Variants in GOLGA1 observed in about 807,000 individuals in gnomAD.
GOLGA1 encodes the protein golgin subfamily A member 1.
In GOLGA1, 63 loss-of-function variants were observed where a neutral mutation model predicts 119.7. The observed-to-expected ratio is 0.53, with a 90% confidence interval of 0.43 to 0.65. GOLGA1 has a LOEUF of 0.65. GOLGA1 is among the 30% of genes least tolerant of loss of function. The pLI is 0.00. For missense variants in GOLGA1, 798 were observed against 912.8 expected, an observed-to-expected ratio of 0.87 and a Z score of 1.62; for synonymous variants, 318 against 333.4, an observed-to-expected ratio of 0.95 and a Z score of 0.50.
rs1487369684 is a variant in GOLGA1, at chr9:124,946,333, T to C, written c.-156+1585A>G. On this transcript the variant is annotated intron_variant, in intron 1 of 4. Transcript: ENST00000421514. The surrounding 1 kb of genome is among the most constrained non-coding windows in gnomAD (Gnocchi z 4.0). ...TTAATACTATAATTGAAAAGTCTTA[T>C]GAATAGTTGGCTGTTTTATTTAAAA... 2 of 152,220 alleles carry C rather than the reference T, an allele frequency of 1.3e-5. No individual in the cohort carries two copies. Among genetic ancestry groups the C allele is most frequent in the African/African-American group, 2.4e-5 (1 of 41,462 alleles). The allele number at this position is 152,220 out of a possible 1,614,324, so 9.4% of individuals were successfully genotyped here.
At chr9:124,889,627 C>G in intron 16 of GOLGA1, 91 bp from the exon 17 acceptor site, 4 of 864,556 alleles carry the variant, frequency 4.6e-6, no homozygotes, top group Non-Finnish European at 8.0e-6. Context: ...CCAGGGTACA[C>G]CACGAATCCC....
At chr9:124,906,560 G>T (rs949720617) in intron 12 of GOLGA1, among the ~76,000 whole-genome samples, 9 of 152,052 alleles carry the variant, frequency 5.9e-5, no homozygotes, top group African/African-American at 2.2e-4. Flanking sequence ...GACCAGCCTG[G>T]CCAACATGAT....
intron 10 of GOLGA1, among the ~76,000 whole-genome samples, chr9:124,920,385 C>T (rs1468084273): frequency 6.6e-6 from 1 of 151,900 alleles, no homozygotes; most frequent in East Asian, 1.9e-4. Flanking sequence ...AGGCTTGAGT[C>T]ACTGTGCTGG....
intron 10 of GOLGA1, among the ~76,000 whole-genome samples, chr9:124,919,854 G>A (rs1042660184): frequency 1.3e-5 from 2 of 151,924 alleles, no homozygotes; most frequent in Admixed American, 6.6e-5. Context: ...GCAATGCAAT[G>A]GACAATCATA....
intron 10 of GOLGA1, 44 bp downstream of exon 10, chr9:124,921,085 T>C (rs749199821): frequency 8.5e-7 from 1 of 1,182,990 alleles, no homozygotes; most frequent in South Asian, 1.2e-5. Flanking sequence ...AATTAGTTTT[T>C]ATGAATCTTA....
intron 5 of GOLGA1, 134 bp downstream of exon 5, chr9:124,929,082 C>T (rs1830724061): frequency 1.5e-6 from 1 of 649,538 alleles, no homozygotes; most frequent in Admixed American, 2.6e-5. Context: ...GTTATATCAA[C>T]CTGATTAAGA....
intron 10 of GOLGA1, among the ~76,000 whole-genome samples, chr9:124,916,116 A>AATAC (rs1409952266): frequency 6.6e-6 from 1 of 151,060 alleles, no homozygotes; most frequent in Admixed American, 6.6e-5. Context: ...TAAATAAATA[A>AATAC]ATAAATAAAT....
Position 124,879,098 on chromosome 9 carries a change from A to AT in GOLGA1, c.*1431dup, listed in dbSNP as rs1254673458. 2.0e-5 allele frequency: 3 copies of AT among 152,178 alleles called. No homozygotes were observed. The highest frequency in any genetic ancestry group is 2.0e-4 in the Admixed American group (3 of 15,274). 9.4% of individuals were successfully genotyped at this position (152,178 alleles called of 1,614,324 possible). Reference sequence around the variant, plus strand: ...AAATTTCGTTAGGTTAACGTTGCAAATGCGTGTTTTTCTGTGACACATTTT... The same window carrying AT: ...AAATTTCGTTAGGTTAACGTTGCAAATTGCGTGTTTTTCTGTGACACATTTT... On this transcript the variant is annotated 3_prime_UTR_variant, in exon 23 of 23. Coordinates refer to ENST00000373555, the MANE Select transcript of GOLGA1 (RefSeq NM_002077.4).
intron 15 of GOLGA1, among the ~76,000 whole-genome samples, chr9:124,894,247 G>C (rs1829916008): frequency 6.6e-6 from 1 of 152,086 alleles, no homozygotes; most frequent in Admixed American, 6.6e-5. Context: ...CCCTCCTTTT[G>C]TTCTGAGCCT....
intron 14 of GOLGA1, 57 bp from the exon 15 acceptor site, chr9:124,898,701 C>T: frequency 3.9e-6 from 4 of 1,025,362 alleles, no homozygotes; most frequent in Non-Finnish European, 1.5e-6. Context: ...TTTCCCTGGG[C>T]ACAGGGAGCA....
rs35842648 is a variant in GOLGA1 at position 124,900,452 on chromosome 9, G to A, written c.1161C>T (p.Leu387=). The part of the protein sequence containing the change: ...VAAQETQIQE[L]AAANQESSHV... Reference sequence around the variant, plus strand: ...TGCAGCAGCTCCAATAAGCACTTACGAGCTCCTGTATCTGAGTTTCCTGGG... The same window carrying A: ...TGCAGCAGCTCCAATAAGCACTTACAAGCTCCTGTATCTGAGTTTCCTGGG... The change falls in exon 13 of 23, where the codon CTC becomes CTT. Residue 387 remains leucine, a splice_region_variant and synonymous_variant. Transcript: ENST00000373555. 5.4e-6 allele frequency: 8 copies of A among 1,471,110 alleles called. No homozygotes were observed. The highest frequency in any genetic ancestry group is 1.7e-5 in the Admixed American group (1 of 59,816). 91.1% of individuals were successfully genotyped at this position (1,471,110 alleles called of 1,614,324 possible).
intron 10 of GOLGA1, among the ~76,000 whole-genome samples, chr9:124,918,160 A>C (rs567838022): frequency 1.3e-5 from 2 of 152,154 alleles, no homozygotes; most frequent in African/African-American, 4.8e-5. Flanking sequence ...CCCTGATCTG[A>C]TATCTTTTAA....
intron 10 of GOLGA1, among the ~76,000 whole-genome samples, chr9:124,917,189 A>G (rs1434051003): frequency 3.3e-5 from 5 of 152,194 alleles, no homozygotes; most frequent in Admixed American, 2.0e-4. Flanking sequence ...ACTTACTTCC[A>G]AAGGAAAAAG....
At chr9:124,923,826 G>C (rs1045063044) in intron 7 of GOLGA1, among the ~76,000 whole-genome samples, 7 of 151,964 alleles carry the variant, frequency 4.6e-5, no homozygotes, top group African/African-American at 1.5e-4. Flanking sequence ...AGCAAGTCCA[G>C]ATATATATTT....
chr9:124,939,040 A>G (rs548335244), intron 2 of GOLGA1, among the ~76,000 whole-genome samples, 174 bp from the exon 3 acceptor site: 2 of 152,350 alleles, frequency 1.3e-5, no homozygotes, highest in Admixed American at 6.5e-5. Flanking sequence ...TATACAGATG[A>G]AGAAACCCAG....
rs79839361 is a variant in GOLGA1 at position 124,923,231 on chromosome 9, A to G, written c.433-8T>C. 27,968 of 1,580,386 alleles carry G rather than the reference A, an allele frequency of 0.018. 1,709 individuals are homozygous for G. In the East Asian group the frequency reaches 0.22, roughly 13 times the overall value. On this transcript the variant is annotated splice_region_variant and splice_polypyrimidine_tract_variant and intron_variant, in intron 7 of 22. Transcript: ENST00000373555. ...TGTCAGAATATTTTTCTCCTATTTGAAAGAAGAAGACATCAACTCAGGCAA... is the reference window on the plus strand; with the variant it reads ...TGTCAGAATATTTTTCTCCTATTTGGAAGAAGAAGACATCAACTCAGGCAA...
intron 10 of GOLGA1, among the ~76,000 whole-genome samples, chr9:124,918,350 A>G (rs1441684640): frequency 6.6e-6 from 1 of 152,224 alleles, no homozygotes; most frequent in East Asian, 1.9e-4. Flanking sequence ...CCCAGCACAT[A>G]GTAAAGCTCA....
intron 4 of GOLGA1, among the ~76,000 whole-genome samples, chr9:124,931,093 C>T (rs1367046029): frequency 6.6e-6 from 1 of 152,114 alleles, no homozygotes; most frequent in African/African-American, 2.4e-5. Context: ...TGGCTAGAAA[C>T]CTCAGGAGCA....
chr9:124,938,232 T>C (rs952895880), intron 3 of GOLGA1, among the ~76,000 whole-genome samples: 4 of 152,210 alleles, frequency 2.6e-5, no homozygotes, highest in Admixed American at 2.0e-4. Flanking sequence ...AATGACTTAG[T>C]TGTTATATAA....
Sources: allele counts gnomAD v4.1 joint callset (sites outside exome capture counted in the v4.1 genomes callset), GRCh38; gene constraint gnomAD v4.1.1; non-coding constraint Gnocchi (gnomAD v3.1); transcripts MANE v1.5; gene names NCBI Gene and HGNC (gene_info 2026-07-23, HGNC 2026-07-21).